Variants in GALNTL6 observed in about 807,000 individuals in gnomAD.
GALNTL6 encodes polypeptide N-acetylgalactosaminyltransferase-like 6.
In GALNTL6, 46 loss-of-function variants were observed where a neutral mutation model predicts 73.7. That is an observed-to-expected ratio of 0.62 (90% CI 0.49 to 0.80). The LOEUF (loss-of-function observed/expected upper bound fraction) is 0.80. Ranked by LOEUF, GALNTL6 falls within the 30% of genes least tolerant of loss-of-function variation. The probability of loss-of-function intolerance (pLI) is 0.00; values close to 1 mark genes in which losing one functional copy is unlikely to be tolerated. For synonymous variants in GALNTL6, 259 were observed against 263.7 expected (o/e 0.98, Z 0.17); for missense variants, 604 against 755.0 (o/e 0.80, Z 2.34).
At chr4:172,203,318 G>A (rs1736013611) in intron 2 of GALNTL6, among the ~76,000 whole-genome samples, 1 of 152,252 alleles carries the variant, frequency 6.6e-6, no homozygotes, top group East Asian at 1.9e-4. Flanking sequence ...GGAAGAATAT[G>A]TAAGCTTTGT....
intron 2 of GALNTL6, among the ~76,000 whole-genome samples, chr4:171,819,495 A>G (rs1212811628): frequency 6.6e-6 from 1 of 152,176 alleles, no homozygotes; most frequent in Non-Finnish European, 1.5e-5. Context: ...TTTCCCTGCA[A>G]AAGGAGCCAA....
intron 10 of GALNTL6, among the ~76,000 whole-genome samples, chr4:172,959,457 CT>C (rs760719811): frequency 6.6e-6 from 1 of 152,012 alleles, no homozygotes; most frequent in Non-Finnish European, 1.5e-5. Flanking sequence ...CCGTCAATAC[CT>C]ACAACAGTTA....
intron 5 of GALNTL6, among the ~76,000 whole-genome samples, chr4:172,758,680 A>G (rs547662371): frequency 5.4e-4 from 82 of 152,324 alleles, no homozygotes; most frequent in African/African-American, 1.8e-3. Flanking sequence ...GAAATAAACA[A>G]TTCATAAGTT....
chr4:172,962,379 T>G (rs1351557407), intron 10 of GALNTL6, among the ~76,000 whole-genome samples: 1 of 152,234 alleles, frequency 6.6e-6, no homozygotes, highest in Non-Finnish European at 1.5e-5. Context: ...TACTATTAAC[T>G]AAACAAGACT....
intron 2 of GALNTL6, among the ~76,000 whole-genome samples, chr4:171,946,581 A>C (rs1278640467): frequency 6.6e-6 from 1 of 152,208 alleles, no homozygotes; most frequent in Admixed American, 6.5e-5. Context: ...CTCATGGGAC[A>C]TGCAGAAAAC....
chr4:172,149,882 C>G (rs1491614), intron 2 of GALNTL6, among the ~76,000 whole-genome samples: 139,977 of 152,212 alleles, frequency 0.92, 64,392 homozygotes, highest in Middle Eastern at 0.95. Flanking sequence ...TTCCTCTTTT[C>G]CTTAACATAC....
At chr4:172,310,869 C>T (rs1385154478) in intron 3 of GALNTL6, among the ~76,000 whole-genome samples, 1 of 151,544 alleles carries the variant, frequency 6.6e-6, no homozygotes, top group African/African-American at 2.4e-5. Flanking sequence ...ATATTTGCAA[C>T]ATATGTAATT....
intron 5 of GALNTL6, among the ~76,000 whole-genome samples, chr4:172,491,607 C>A (rs77036845): frequency 0.039 from 5,875 of 152,028 alleles, 352 homozygotes; most frequent in African/African-American, 0.13. Context: ...GCTCTCTAGA[C>A]AAAACTCATA....
intron 5 of GALNTL6, among the ~76,000 whole-genome samples, chr4:172,784,511 A>C (rs1293373905): frequency 6.6e-6 from 1 of 152,148 alleles, no homozygotes; most frequent in African/African-American, 2.4e-5. Context: ...GGTGGTCAAA[A>C]GTCTAGAATG....
intron 8 of GALNTL6, among the ~76,000 whole-genome samples, chr4:172,898,557 G>A (rs1305774051): frequency 6.6e-6 from 1 of 151,634 alleles, no homozygotes; most frequent in Non-Finnish European, 1.5e-5. Context: ...TTCCCATACA[G>A]AAATCTCTTA....
chr4:172,409,945 C>T (rs1744372946), intron 5 of GALNTL6, among the ~76,000 whole-genome samples: 1 of 151,942 alleles, frequency 6.6e-6, no homozygotes, highest in Non-Finnish European at 1.5e-5. Context: ...TTAATCAACA[C>T]ATCTATTATG....
At chr4:171,827,357 C>T (rs1490254210) in intron 2 of GALNTL6, among the ~76,000 whole-genome samples, 1 of 152,100 alleles carries the variant, frequency 6.6e-6, no homozygotes, top group African/African-American at 2.4e-5. Flanking sequence ...CAACCGCATG[C>T]TCTGTGACTC....
chr4:172,575,798 A>T (rs1736937655), intron 5 of GALNTL6, among the ~76,000 whole-genome samples: 1 of 152,168 alleles, frequency 6.6e-6, no homozygotes, highest in African/African-American at 2.4e-5. Flanking sequence ...TTACCTCTTA[A>T]AGAGGATTTG....
intron 5 of GALNTL6, among the ~76,000 whole-genome samples, chr4:172,534,895 C>T (rs1296738545): frequency 6.6e-6 from 1 of 151,974 alleles, no homozygotes; most frequent in African/African-American, 2.4e-5. Flanking sequence ...GATTTACAAA[C>T]CTGAAAATAA....
intron 3 of GALNTL6, among the ~76,000 whole-genome samples, chr4:172,271,649 A>G (rs969510157): frequency 4.4e-4 from 67 of 152,178 alleles, no homozygotes; most frequent in African/African-American, 1.5e-3. Flanking sequence ...TATGTAATGC[A>G]TATATTGAAG....
At chr4:172,683,649 G>A (rs1021444409) in intron 5 of GALNTL6, among the ~76,000 whole-genome samples, 2 of 152,078 alleles carry the variant, frequency 1.3e-5, no homozygotes, top group Non-Finnish European at 2.9e-5. Context: ...TACAGCTAAC[G>A]ATATTGCAGT....
chr4:172,233,367 A>C lies in GALNTL6; in HGVS notation c.247+3603A>C, dbSNP rs548247291. Reference sequence around the variant, plus strand: ...CTGTCTCTAAATAAATAAATAAATAAATAAATAAATAAATAAGCAAGCTTG... The same window carrying C: ...CTGTCTCTAAATAAATAAATAAATACATAAATAAATAAATAAGCAAGCTTG... On this transcript the variant is annotated intron_variant, in intron 3 of 12. Transcript: ENST00000506823. Among the ~76,000 whole-genome samples the C allele has an allele frequency of 3.6e-4, 55 of 151,992 alleles. 1 individual carries two copies. In the South Asian group the frequency reaches 0.01, roughly 28 times the overall value.
At chr4:172,944,291 A>G (rs1317981473) in intron 9 of GALNTL6, among the ~76,000 whole-genome samples, 1 of 152,214 alleles carries the variant, frequency 6.6e-6, no homozygotes, top group African/African-American at 2.4e-5. Flanking sequence ...AAACGGCCCA[A>G]TTTTTAAAAT....
intron 2 of GALNTL6, among the ~76,000 whole-genome samples, chr4:171,962,859 C>T (rs1364918404): frequency 1.5e-5 from 2 of 136,504 alleles, no homozygotes; most frequent in Non-Finnish European, 3.0e-5. Flanking sequence ...CTTGAAACCT[C>T]CGGGTTCAAG....
Sources: gnomAD v4.1 joint callset for allele counts (sites outside exome capture counted in the v4.1 genomes callset) on GRCh38, gnomAD v4.1.1 for gene constraint, MANE v1.5 for transcripts, NCBI Gene and HGNC (gene_info 2026-07-23, HGNC 2026-07-21) for gene names.